The following MYOCD variants were observed in gnomAD, a reference collection of about 807,000 sequenced individuals.
The protein encoded by MYOCD is myocardin.
MYOCD carries 32 observed loss-of-function variants against 96.1 expected under a neutral mutation model. The ratio of observed to expected loss-of-function variants is 0.33; its 90% confidence interval spans 0.25 to 0.45. The LOEUF is 0.45. MYOCD is among the 20% of genes least tolerant of loss of function. MYOCD has a pLI of 1.00. For missense variants in MYOCD, 1,133 were observed against 1,200.6 expected (o/e 0.94, Z 0.83); for synonymous variants, 469 against 469.0 (o/e 1.00, Z 0.00).
At chr17:12,718,709 A>G (rs1106625) in intron 4 of MYOCD, among the ~76,000 whole-genome samples, 3,049 of 152,222 alleles carry the variant, frequency 0.02, 146 homozygotes, top group Admixed American at 0.11. Context: ...GATCTGCGTG[A>G]GGCAGCCAAA....
intron 1 of MYOCD, among the ~76,000 whole-genome samples, chr17:12,684,013 A>T (rs554099381): frequency 6.6e-6 from 1 of 152,194 alleles, no homozygotes; most frequent in African/African-American, 2.4e-5. Flanking sequence ...ACCAATAATC[A>T]TAGTAATAGT....
intron 1 of MYOCD, among the ~76,000 whole-genome samples, chr17:12,682,941 C>T (rs1597730520): frequency 6.6e-6 from 1 of 151,980 alleles, no homozygotes; most frequent in East Asian, 1.9e-4. Context: ...CACTAGAAAC[C>T]CTGAACAAGC....
chr17:12,733,038 C>A (rs1007045895), intron 5 of MYOCD, among the ~76,000 whole-genome samples: 1 of 152,104 alleles, frequency 6.6e-6, no homozygotes, highest in South Asian at 2.1e-4. Context: ...AGGCTGGGCG[C>A]GGTGGCTCAC....
Position 12,756,474 on chromosome 17 carries a change from C to T in MYOCD, c.2119C>T (p.Pro707Ser), listed in dbSNP as rs1402983713. ...CTCTCCCCATTCTTCCAGCCTCCAC[C>T]CGCCCTTCTCTGGAGCCCAAGCAGA... Reference protein sequence around the residue: ...SFSPHSSSLHPPFSGAQADSS... With the variant: ...SFSPHSSSLHSPFSGAQADSS... The change falls in exon 11 of 14, where the codon CCG (proline) becomes TCG (serine). Residue 707 changes from proline (P) to serine (S), a missense_variant. Physicochemically the swap from Pro to Ser is moderately conservative, Grantham distance 74. Transcript: ENST00000425538. 6.4e-7 allele frequency: 1 copy of T among 1,551,970 alleles called. No homozygotes were observed. Among genetic ancestry groups the T allele is most frequent in the Admixed American group, 2.0e-5 (1 of 50,968 alleles).
At chr17:12,677,978 C>T (rs1354685575) in intron 1 of MYOCD, among the ~76,000 whole-genome samples, 3 of 150,496 alleles carry the variant, frequency 2.0e-5, no homozygotes, top group Non-Finnish European at 4.4e-5. Context: ...CTGCAACCTC[C>T]GCCTCCCAGG....
At chr17:12,740,188 G>A (rs2032465426) in intron 7 of MYOCD, among the ~76,000 whole-genome samples, 1 of 152,174 alleles carries the variant, frequency 6.6e-6, no homozygotes, top group African/African-American at 2.4e-5. Context: ...ACCTGCCTTG[G>A]CCTTCCAAAG....
intron 5 of MYOCD, among the ~76,000 whole-genome samples, chr17:12,728,032 G>A (rs1319152779): frequency 6.6e-6 from 1 of 152,174 alleles, no homozygotes; most frequent in Non-Finnish European, 1.5e-5. Context: ...GCACCTCATT[G>A]CCTATTTCGC....
chr17:12,675,658 A>T (rs923806182), intron 1 of MYOCD, among the ~76,000 whole-genome samples: 1 of 152,218 alleles, frequency 6.6e-6, no homozygotes, highest in Non-Finnish European at 1.5e-5. Flanking sequence ...GGGGATCGAG[A>T]CCATCCTGGC....
chr17:12,721,284 GA>G (rs1206726908), intron 4 of MYOCD, among the ~76,000 whole-genome samples: 2 of 152,080 alleles, frequency 1.3e-5, no homozygotes, highest in Non-Finnish European at 2.9e-5. Context: ...TTTGTCAACA[GA>G]AATTGGGAAT....
intron 2 of MYOCD, chr17:12,705,660 T>C (rs2013165): frequency 0.15 from 23,030 of 152,632 alleles, 1,848 homozygotes; most frequent in Middle Eastern, 0.2. Flanking sequence ...TGATATAATG[T>C]TGAATTACTG....
chr17:12,667,410 G>A (rs920984857), intron 1 of MYOCD, among the ~76,000 whole-genome samples: 1 of 152,170 alleles, frequency 6.6e-6, no homozygotes, highest in African/African-American at 2.4e-5. Flanking sequence ...GAAGCTCTGG[G>A]ATGAGTCCGC....
At chr17:12,702,802 T>A (rs1270298765) in intron 1 of MYOCD, among the ~76,000 whole-genome samples, 1 of 152,004 alleles carries the variant, frequency 6.6e-6, no homozygotes, top group African/African-American at 2.4e-5. Flanking sequence ...AATTTGGCAG[T>A]CATAAGAAGT....
At chr17:12,743,331 A>G (rs776426890) in intron 7 of MYOCD, among the ~76,000 whole-genome samples, 6 of 152,128 alleles carry the variant, frequency 3.9e-5, no homozygotes, top group Non-Finnish European at 5.9e-5. Context: ...CAGCAGGCAG[A>G]TAGGCAAGGT....
intron 6 of MYOCD, among the ~76,000 whole-genome samples, chr17:12,738,043 G>A (rs1251200111): frequency 1.3e-5 from 2 of 152,164 alleles, no homozygotes; most frequent in Non-Finnish European, 2.9e-5. Context: ...ACATTATTCT[G>A]ACAGTAAATT....
chr17:12,722,273 C>T (rs1480904442), intron 4 of MYOCD, among the ~76,000 whole-genome samples: 1 of 152,204 alleles, frequency 6.6e-6, no homozygotes, highest in Non-Finnish European at 1.5e-5. Context: ...TGACCTTTCA[C>T]ACCCTCCAAA....
At chr17:12,681,045 C>G (rs140278794) in intron 1 of MYOCD, among the ~76,000 whole-genome samples, 8 of 152,316 alleles carry the variant, frequency 5.3e-5, no homozygotes, top group African/African-American at 1.9e-4. Flanking sequence ...AGAAACCAAG[C>G]CTCCAGCGCT....
rs886905066 is a variant in MYOCD, at chr17:12,763,863, A to G, written c.*219A>G. 5 of 438,428 alleles carry G rather than the reference A, an allele frequency of 1.1e-5. No homozygotes were observed. Among genetic ancestry groups the G allele is most frequent in the African/African-American group, 2.0e-5 (1 of 49,392 alleles). The allele number at this position is 438,428 out of a possible 1,614,324, so 27.2% of individuals were successfully genotyped here. ...TAACTGTTAATGATTTCAACAATGC[A>G]TTAAAAGAATGTGCTTTCTCAGATT... On this transcript the variant is annotated 3_prime_UTR_variant, in exon 14 of 14. Coordinates refer to ENST00000425538, the MANE Select transcript of MYOCD (RefSeq NM_001146312.3).
intron 13 of MYOCD, chr17:12,762,631 G>A (rs546488993): frequency 2.7e-3 from 419 of 157,002 alleles, no homozygotes; most frequent in African/African-American, 9.6e-3. Flanking sequence ...AGATGAGGGG[G>A]AGTGACCAGG....
chr17:12,723,743 T>C (rs886879007), intron 5 of MYOCD, among the ~76,000 whole-genome samples: 3 of 152,198 alleles, frequency 2.0e-5, no homozygotes, highest in African/African-American at 7.2e-5. Flanking sequence ...TTAATGCTCC[T>C]ACAGACACAC....
Sources: gnomAD v4.1 joint callset for allele counts (sites outside exome capture counted in the v4.1 genomes callset) on GRCh38, gnomAD v4.1.1 for gene constraint, MANE v1.5 for transcripts, NCBI Gene and HGNC (gene_info 2026-07-23, HGNC 2026-07-21) for gene names.